ERGIC2: variants seen among roughly 807,000 people sequenced by gnomAD.
ERGIC2 encodes ERGIC and golgi 2.
A neutral mutation model predicts 52.5 loss-of-function variants in ERGIC2; 31 were observed. That is an observed-to-expected ratio of 0.59 (90% CI 0.44 to 0.80). ERGIC2 has a LOEUF of 0.80. Among genes scored for constraint, ERGIC2 ranks in the 30% least tolerant of loss-of-function variants. The pLI is 0.00. For missense variants in ERGIC2, 395 were observed against 455.2 expected, an observed-to-expected ratio of 0.87 and a Z score of 1.20; for synonymous variants, 129 against 140.6, an observed-to-expected ratio of 0.92 and a Z score of 0.58.
rs367977967 is a variant in ERGIC2, at chr12:29,357,635, G to A, written c.464C>T (p.Ala155Val). The change falls in exon 7 of 14, where the codon GCT becomes GTT. Residue 155 changes from alanine (A) to valine (V), a missense_variant. Ala to Val is a moderately conservative substitution (Grantham distance 64). Transcript: ENST00000360150. ...FKSAFKSTST[A>V]LPPREDDSSQ... ...ATACAGATCTCACCTTGGTGGAAGAGCTGTTGATGTACTTTTAAAAGCACT... is the reference window on the plus strand; with the variant it reads ...ATACAGATCTCACCTTGGTGGAAGAACTGTTGATGTACTTTTAAAAGCACT... 1.0e-5 allele frequency: 16 copies of A among 1,545,760 alleles called. No homozygotes were observed. The African/African-American group carries it at 2.0e-4, about 20-fold the overall frequency.
chr12:29,358,549 A>G (rs1402495326), intron 6 of ERGIC2, among the ~76,000 whole-genome samples: 1 of 152,182 alleles, frequency 6.6e-6, no homozygotes, highest in Non-Finnish European at 1.5e-5. Context: ...ATGATGTGTC[A>G]ACATAGGTTC....
chr12:29,344,207 A>C (rs773118965), intron 11 of ERGIC2, among the ~76,000 whole-genome samples: 12 of 152,202 alleles, frequency 7.9e-5, no homozygotes. Context: ...ACAGATAACA[A>C]TGCAACGAAT....
chr12:29,379,121 C>T (rs1158545263), intron 1 of ERGIC2, among the ~76,000 whole-genome samples: 1 of 152,006 alleles, frequency 6.6e-6, no homozygotes, highest in East Asian at 1.9e-4. Flanking sequence ...CTTAAAAGTG[C>T]CTAGTAGCAA....
At chr12:29,374,353 A>AAG (rs1565546090) in intron 1 of ERGIC2, among the ~76,000 whole-genome samples, 8 of 152,144 alleles carry the variant, frequency 5.3e-5, no homozygotes, top group African/African-American at 1.9e-4. Flanking sequence ...CTACCTGGAA[A>AAG]ACCCTCTTTG....
At chr12:29,357,567 A>T in intron 7 of ERGIC2, 56 bp downstream of exon 7, 1 of 922,480 alleles carries the variant, frequency 1.1e-6, no homozygotes, top group Non-Finnish European at 1.7e-6. Context: ...TTTAGTTTTA[A>T]CTATGTCAAA....
At chr12:29,360,738 A>T (rs978969429) in intron 6 of ERGIC2, among the ~76,000 whole-genome samples, 1 of 151,182 alleles carries the variant, frequency 6.6e-6, no homozygotes, top group East Asian at 1.9e-4. Context: ...CAAGAAACTT[A>T]TCACTGGTTA....
chr12:29,350,157 A>G, intron 8 of ERGIC2, 89 bp from the exon 9 acceptor site: 2 of 777,770 alleles, frequency 2.6e-6, no homozygotes, highest in Non-Finnish European at 4.2e-6. Context: ...TAAGTTATAT[A>G]ATTTTTCTTA....
At chr12:29,353,608 T>C (rs1940162735) in intron 8 of ERGIC2, among the ~76,000 whole-genome samples, 1 of 152,044 alleles carries the variant, frequency 6.6e-6, no homozygotes. Context: ...TTGGAGCATT[T>C]TGAATTTCAG....
At chr12:29,360,900 C>T (rs1250358414) in intron 6 of ERGIC2, among the ~76,000 whole-genome samples, 1 of 151,302 alleles carries the variant, frequency 6.6e-6, no homozygotes, top group Non-Finnish European at 1.5e-5. Context: ...TATAGCTGAT[C>T]AGTTAAAAAA....
chr12:29,362,157 A>T (rs1940295363), intron 5 of ERGIC2, among the ~76,000 whole-genome samples: 1 of 152,238 alleles, frequency 6.6e-6, no homozygotes, highest in African/African-American at 2.4e-5. Flanking sequence ...GCATTGATCA[A>T]CAAAGAACTA....
intron 7 of ERGIC2, among the ~76,000 whole-genome samples, chr12:29,357,379 A>C (rs1182233234): frequency 6.6e-6 from 1 of 152,222 alleles, no homozygotes; most frequent in Non-Finnish European, 1.5e-5. Context: ...AACTCAATAT[A>C]ATTTTATGTG....
chr12:29,344,341 C>A (rs1254155299), intron 11 of ERGIC2, among the ~76,000 whole-genome samples: 3 of 152,170 alleles, frequency 2.0e-5, no homozygotes, highest in African/African-American at 7.2e-5. Flanking sequence ...AAACTACCTT[C>A]CTCAAAGATT....
Position 29,345,436 on chromosome 12 carries a change from A to G in ERGIC2, c.825+7T>C, listed in dbSNP as rs1940034372. On this transcript the variant is annotated splice_region_variant and intron_variant, in intron 11 of 13. Coordinates refer to ENST00000360150, the MANE Select transcript of ERGIC2 (RefSeq NM_016570.3). ...CCAAATTATTTTACCGGTTGGATTC[A>G]ACTTACCCTTTCTGTCACAGAAAAC... is the stretch of plus-strand genomic sequence containing the variant. 2.7e-6 allele frequency: 4 copies of G among 1,492,194 alleles called. No homozygotes were observed. The East Asian group carries it at 6.8e-5, about 25-fold the overall frequency. The allele number at this position is 1,492,194 out of a possible 1,614,324, so 92.4% of individuals were successfully genotyped here. A position where few individuals can be genotyped will look rare whatever the true frequency, so the allele number is the denominator to read the frequency against.
intron 5 of ERGIC2, among the ~76,000 whole-genome samples, chr12:29,363,979 G>A (rs900875394): frequency 6.6e-6 from 1 of 152,044 alleles, no homozygotes; most frequent in African/African-American, 2.4e-5. Flanking sequence ...ACATAAAAAT[G>A]AGGATGCAAC....
chr12:29,341,762 C>A lies in ERGIC2; in HGVS notation c.1043G>T (p.Arg348Ile). 14 of 1,600,222 alleles carry A rather than the reference C, an allele frequency of 8.7e-6. No individual in the cohort carries two copies. The highest frequency in any genetic ancestry group is 1.2e-5 in the Non-Finnish European group (14 of 1,167,442). Residue 348 changes from arginine to isoleucine, a missense_variant, in exon 13 of 14, where the codon AGA (arginine) becomes ATA (isoleucine). By Grantham distance (97) the Arg-to-Ile change is moderately conservative. Transcript: ENST00000360150. ...ATTGACAGGTTTATAGGATCCAAGT[C>A]TGAAACGACAGCAAATTATTTCAAC... ...FIVEIICCRF[R>I]LGSYKPVNSV...
intron 13 of ERGIC2, 44 bp from the exon 14 acceptor site, chr12:29,341,262 A>G (rs748015250): frequency 1.4e-6 from 2 of 1,448,650 alleles, no homozygotes; most frequent in South Asian, 2.4e-5. Flanking sequence ...AATTAGTTTT[A>G]TTCCTTATAC....
intron 10 of ERGIC2, among the ~76,000 whole-genome samples, chr12:29,348,741 T>G (rs1940092493): frequency 1.3e-5 from 2 of 152,016 alleles, no homozygotes; most frequent in South Asian, 4.1e-4. Context: ...TTGAACCTTT[T>G]TTTCATTCTT....
intron 6 of ERGIC2, among the ~76,000 whole-genome samples, chr12:29,359,539 A>G (rs1248601173): frequency 1.3e-5 from 2 of 152,050 alleles, no homozygotes; most frequent in African/African-American, 4.8e-5. Flanking sequence ...CTCTTCTCCC[A>G]CTTATTACTA....
intron 8 of ERGIC2, among the ~76,000 whole-genome samples, chr12:29,351,888 T>C (rs1940135632): frequency 6.6e-6 from 1 of 152,206 alleles, no homozygotes; most frequent in Non-Finnish European, 1.5e-5. Flanking sequence ...GTTGGTAATA[T>C]TGTGATGAAT....
Sources: gnomAD v4.1 joint callset for allele counts (sites outside exome capture counted in the v4.1 genomes callset) on GRCh38, gnomAD v4.1.1 for gene constraint, MANE v1.5 for transcripts, NCBI Gene and HGNC (gene_info 2026-07-23, HGNC 2026-07-21) for gene names.